The following ANXA11 variants were observed in gnomAD, a reference collection of about 807,000 sequenced individuals.
ANXA11 encodes the protein annexin A11.
In ANXA11, 57 loss-of-function variants were observed where a neutral mutation model predicts 64.7. The ratio of observed to expected loss-of-function variants is 0.88; its 90% CI spans 0.71 to 1.10. The LOEUF (loss-of-function observed/expected upper bound fraction) is 1.10, where lower values mean the gene tolerates loss of function less well. ANXA11 is among the 50% of genes least tolerant of loss of function. The pLI, the probability that ANXA11 is intolerant of heterozygous loss-of-function variation, is 0.00. For missense variants in ANXA11, 675 were observed against 670.7 expected (o/e 1.01, Z -0.07); for synonymous variants, 260 against 265.2 (o/e 0.98, Z 0.19).
At chr10:80,158,860 C>T (rs1299239012) in intron 13 of ANXA11, among the ~76,000 whole-genome samples, 1 of 152,206 alleles carries the variant, frequency 6.6e-6, no homozygotes, top group Non-Finnish European at 1.5e-5. Flanking sequence ...CTGCAGTTCC[C>T]TACTCCAGAG....
intron 3 of ANXA11, 109 bp downstream of exon 3, chr10:80,172,698 G>C (rs1047717742): frequency 6.2e-6 from 7 of 1,131,432 alleles, no homozygotes; most frequent in Non-Finnish European, 9.3e-6. Flanking sequence ...CTGCTGGGCC[G>C]TGCTGTGAGG....
At chr10:80,187,682 C>T (rs1193113284) in intron 1 of ANXA11, among the ~76,000 whole-genome samples, 2 of 152,274 alleles carry the variant, frequency 1.3e-5, no homozygotes, top group African/African-American at 2.4e-5. Context: ...TACCCACTTC[C>T]GCAAGGGGAA....
intron 1 of ANXA11, among the ~76,000 whole-genome samples, chr10:80,188,738 C>T (rs1846648635): frequency 6.6e-6 from 1 of 152,132 alleles, no homozygotes; most frequent in South Asian, 2.1e-4. Context: ...CAGGAACGCG[C>T]TTTGTAAAGC....
chr10:80,175,790 C>T (rs1030378916), intron 2 of ANXA11, among the ~76,000 whole-genome samples: 1 of 152,218 alleles, frequency 6.6e-6, no homozygotes, highest in Non-Finnish European at 1.5e-5. Flanking sequence ...GGCGCAGTGG[C>T]TCATGCCTGT....
In ANXA11 at chr10:80,157,105, T is replaced by C. The variant is rs371267701; in HGVS notation, c.1458+536A>G. On this transcript the variant is annotated intron_variant, in intron 15 of 15. Transcript: ENST00000422982. ...TCACAACATTCCCAGGAAGGAACGA[T>C]TATTTTCTCATCTTAAAGACAATGG... 8 of 976,096 alleles carry C rather than the reference T, an allele frequency of 8.2e-6. No individual in the cohort carries two copies. The South Asian group carries it at 3.3e-4, about 40-fold the overall frequency. 60.5% of individuals were successfully genotyped at this position (976,096 alleles called of 1,614,324 possible). A position where few individuals can be genotyped will look rare whatever the true frequency, so the allele number is the denominator to read the frequency against.
rs1326386561 is a variant in ANXA11, at chr10:80,153,736, T to G, written c.*2117A>C. Reference sequence around the variant, plus strand: ...GGACTCTGACGCAGAGCTGACGTGTTGACCAGGACCTGCCATCAATCTCAG... The same window carrying G: ...GGACTCTGACGCAGAGCTGACGTGTGGACCAGGACCTGCCATCAATCTCAG... On this transcript the variant is annotated 3_prime_UTR_variant, in exon 16 of 16. Transcript: ENST00000422982. 6.6e-6 allele frequency: 1 copy of G among 152,310 alleles called. No homozygotes were observed. Among genetic ancestry groups the G allele is most frequent in the Non-Finnish European group, 1.5e-5 (1 of 68,106 alleles). 9.4% of individuals were successfully genotyped at this position (152,310 alleles called of 1,614,324 possible). A position where few individuals can be genotyped will look rare whatever the true frequency, so the allele number is the denominator to read the frequency against.
intron 1 of ANXA11, among the ~76,000 whole-genome samples, chr10:80,196,129 T>C (rs1000835657): frequency 6.6e-6 from 1 of 152,242 alleles, no homozygotes; most frequent in Non-Finnish European, 1.5e-5. Flanking sequence ...TAGATACATA[T>C]ATTACATCCC....
intron 1 of ANXA11, among the ~76,000 whole-genome samples, chr10:80,196,492 C>G (rs1840176214): frequency 6.6e-6 from 1 of 152,170 alleles, no homozygotes; most frequent in Non-Finnish European, 1.5e-5. Flanking sequence ...CCCAGGAATT[C>G]TGGGGGCAGG....
intron 5 of ANXA11, among the ~76,000 whole-genome samples, chr10:80,167,737 C>T (rs1845803591): frequency 6.6e-6 from 1 of 152,210 alleles, no homozygotes. Context: ...TGTGTCCCCT[C>T]CAGTGGATGC....
chr10:80,177,596 G>A (rs983305206), intron 1 of ANXA11, among the ~76,000 whole-genome samples: 3 of 152,114 alleles, frequency 2.0e-5, no homozygotes, highest in African/African-American at 4.8e-5. Flanking sequence ...TAACCAAGAC[G>A]AAAGGGACAA....
At chr10:80,179,406 C>T (rs1846279353) in intron 1 of ANXA11, among the ~76,000 whole-genome samples, 1 of 152,216 alleles carries the variant, frequency 6.6e-6, no homozygotes, top group Non-Finnish European at 1.5e-5. Flanking sequence ...GCCAATTAAA[C>T]CTCTTTTCTT....
At position 80,161,820 on chromosome 10, in the gene ANXA11, G is replaced by A. The variant is rs1845519644; in HGVS notation, c.1180+115C>T. On this transcript the variant is annotated intron_variant, in intron 12 of 15. Coordinates refer to ENST00000422982, the MANE Select transcript of ANXA11 (RefSeq NM_145868.2). ...ATTCCCACCAGGGGGCTCTTTTGAG[G>A]AGGCGAAAGCCCCACGCAGGGAGGA... 2.8e-5 allele frequency: 24 copies of A among 849,540 alleles called. No homozygotes were observed. In the South Asian group the frequency reaches 3.6e-4, roughly 13 times the overall value. 52.6% of individuals were successfully genotyped at this position (849,540 alleles called of 1,614,324 possible).
intron 2 of ANXA11, among the ~76,000 whole-genome samples, chr10:80,173,875 C>T (rs1048756131): frequency 5.3e-5 from 8 of 152,204 alleles, no homozygotes; most frequent in Non-Finnish European, 1.0e-4. Flanking sequence ...TGTTAAAACA[C>T]ATTGCTGGGC....
chr10:80,157,273 A>G, intron 15 of ANXA11: 1 of 985,460 alleles, frequency 1.0e-6, no homozygotes, highest in Non-Finnish European at 1.2e-6. Flanking sequence ...AGCTGAGTGC[A>G]GGAAGTGCTT....
At chr10:80,167,376 G>A in intron 5 of ANXA11, 63 bp from the exon 6 acceptor site, 2 of 1,455,622 alleles carry the variant, frequency 1.4e-6, no homozygotes, top group African/African-American at 2.8e-5. Context: ...ATTCAAGGCT[G>A]CTCCACCCCT....
At chr10:80,168,475 C>T (rs1845835758) in intron 5 of ANXA11, among the ~76,000 whole-genome samples, 3 of 152,208 alleles carry the variant, frequency 2.0e-5, no homozygotes, top group Admixed American at 6.5e-5. Context: ...TTAAGCAACA[C>T]AACCCAGAGG....
chr10:80,171,209 C>G (rs967240836), intron 3 of ANXA11: 40 of 1,258,738 alleles, frequency 3.2e-5, no homozygotes, highest in Non-Finnish European at 3.9e-5. Context: ...AGGCTCTGCC[C>G]TCCCAAGTTC....
At position 80,164,086 on chromosome 10, in the gene ANXA11, G is replaced by C. The variant is rs1422137085; in HGVS notation, c.916C>G (p.His306Asp). 2 of 1,614,184 alleles carry C rather than the reference G, an allele frequency of 1.2e-6. No individual in the cohort carries two copies. Among genetic ancestry groups the C allele is most frequent in the Admixed American group, 1.7e-5 (1 of 60,034 alleles). ...TAGGCTCTGTTTAATTCTCGGATGT[G>C]CTCATTGCTGCGGGAAGCGAGGATC... ...IEILASRSNEHIRELNRAYKA... is the reference protein window; with the variant it reads ...IEILASRSNEDIRELNRAYKA... The change falls in exon 9 of 16, where the codon CAC (histidine) becomes GAC (aspartate). Residue 306 changes from histidine (H) to aspartate (D), a missense_variant. By Grantham distance (81) the His-to-Asp change is moderately conservative. Transcript: ENST00000422982.
intron 3 of ANXA11, among the ~76,000 whole-genome samples, chr10:80,172,371 G>A (rs1846012443): frequency 6.6e-6 from 1 of 152,170 alleles, no homozygotes; most frequent in Admixed American, 6.5e-5. Context: ...GGTAGGAGAG[G>A]TGGTAAGGGG....
Sources: gnomAD v4.1 joint callset for allele counts (sites outside exome capture counted in the v4.1 genomes callset) on GRCh38, gnomAD v4.1.1 for gene constraint, MANE v1.5 for transcripts, NCBI Gene and HGNC (gene_info 2026-07-23, HGNC 2026-07-21) for gene names.